EPHA6: variants seen among roughly 807,000 people sequenced by gnomAD.
EPHA6 encodes ephrin type-A receptor 6.
A neutral mutation model predicts 112.0 loss-of-function variants in EPHA6; 50 were observed. The ratio of observed to expected loss-of-function variants is 0.45; its 90% CI spans 0.36 to 0.56. The LOEUF is 0.56. Among genes scored for constraint, EPHA6 ranks in the 20% least tolerant of loss-of-function variants. EPHA6 has a pLI of 0.00. For synonymous variants in EPHA6, 529 were observed against 490.7 expected, an observed-to-expected ratio of 1.08 and a Z score of -1.03; for missense variants, 1,280 against 1,417.4, an observed-to-expected ratio of 0.90 and a Z score of 1.56.
At chr3:97,475,546 A>G in intron 8 of EPHA6, 86 bp downstream of exon 8, 1 of 924,830 alleles carries the variant, frequency 1.1e-6, no homozygotes, top group South Asian at 1.6e-5. Context: ...TTTAGATATA[A>G]CAAAGCACAC....
chr3:96,930,993 A>AC (rs2040288875), intron 2 of EPHA6, among the ~76,000 whole-genome samples: 1 of 77,086 alleles, frequency 1.3e-5, no homozygotes, highest in South Asian at 4.8e-4. Context: ...CTCTGTCTCC[A>AC]AAAAAAAAAA....
At position 96,953,332 on chromosome 3, in the gene EPHA6, A is replaced by G. The variant is rs1298742134; in HGVS notation, c.451-33998A>G. Among the ~76,000 whole-genome samples the G allele has an allele frequency of 5.3e-5, 8 of 152,206 alleles. No homozygotes were observed. The East Asian group carries it at 1.5e-3, about 29-fold the overall frequency. The stretch of plus-strand genomic sequence containing the variant: ...AGTGTTTGTATTATTGAAAGTGGCA[A>G]GTCAATTGCCAGAATTGTATTTGTT... On this transcript the variant is annotated intron_variant, in intron 2 of 17. Coordinates refer to ENST00000389672, the MANE Select transcript of EPHA6 (RefSeq NM_001080448.3).
intron 7 of EPHA6, among the ~76,000 whole-genome samples, chr3:97,471,585 A>G (rs781778882): frequency 1.3e-4 from 20 of 151,724 alleles, no homozygotes; most frequent in Non-Finnish European, 2.5e-4. Context: ...TCTACCTCCC[A>G]GAAAGCATTG....
chr3:96,910,302 C>T (rs191422088), intron 2 of EPHA6, among the ~76,000 whole-genome samples: 1 of 152,114 alleles, frequency 6.6e-6, no homozygotes, highest in Admixed American at 6.6e-5. Flanking sequence ...TTCAATTTGA[C>T]CACTTCCTAA....
intron 7 of EPHA6, among the ~76,000 whole-genome samples, chr3:97,471,510 T>C (rs1577502397): frequency 6.6e-6 from 1 of 151,676 alleles, no homozygotes; most frequent in African/African-American, 2.4e-5. Context: ...AACCTTAGAC[T>C]CATATTTCTG....
At chr3:97,220,004 A>C (rs1428702454) in intron 3 of EPHA6, among the ~76,000 whole-genome samples, 2 of 152,174 alleles carry the variant, frequency 1.3e-5, no homozygotes, top group Non-Finnish European at 2.9e-5. Flanking sequence ...ATCATCTCTC[A>C]TGAGTTCAAG....
At chr3:96,835,738 C>G (rs1159306629) in intron 1 of EPHA6, among the ~76,000 whole-genome samples, 1 of 152,038 alleles carries the variant, frequency 6.6e-6, no homozygotes, top group Non-Finnish European at 1.5e-5. Flanking sequence ...CCAGATTTAT[C>G]TCTGTAAACA....
chr3:96,945,028 A>T (rs547235729), intron 2 of EPHA6, among the ~76,000 whole-genome samples: 1 of 152,194 alleles, frequency 6.6e-6, no homozygotes, highest in South Asian at 2.1e-4. Context: ...TTGTTTTATA[A>T]TTTCAGCATT....
chr3:97,485,176 T>C (rs1347805077), intron 10 of EPHA6, among the ~76,000 whole-genome samples: 1 of 152,226 alleles, frequency 6.6e-6, no homozygotes, highest in East Asian at 1.9e-4. Context: ...CCAGGTGTCA[T>C]GTCTTTACAA....
At chr3:97,450,576 A>T (rs1325718749) in intron 7 of EPHA6, among the ~76,000 whole-genome samples, 1 of 152,050 alleles carries the variant, frequency 6.6e-6, no homozygotes, top group Admixed American at 6.6e-5. Flanking sequence ...TCTGATTTAA[A>T]TATTAACAGT....
chr3:97,013,925 A>G (rs996441863), intron 3 of EPHA6, among the ~76,000 whole-genome samples: 2 of 152,004 alleles, frequency 1.3e-5, no homozygotes, highest in African/African-American at 4.8e-5. Context: ...TCATTATTGT[A>G]TATTGTCATT....
At chr3:97,722,467 T>C (rs1381350399) in intron 15 of EPHA6, among the ~76,000 whole-genome samples, 1 of 152,138 alleles carries the variant, frequency 6.6e-6, no homozygotes, top group Non-Finnish European at 1.5e-5. Context: ...TTAATGCTCT[T>C]AGAAAATAAT....
chr3:96,877,430 T>C (rs2037032519), intron 2 of EPHA6, among the ~76,000 whole-genome samples: 1 of 152,082 alleles, frequency 6.6e-6, no homozygotes, highest in African/African-American at 2.4e-5. Context: ...CTTAATAATA[T>C]ACTTTCAAAG....
intron 11 of EPHA6, among the ~76,000 whole-genome samples, chr3:97,565,783 C>T (rs1232803955): frequency 2.6e-5 from 4 of 152,062 alleles, no homozygotes; most frequent in Non-Finnish European, 5.9e-5. Flanking sequence ...CTTTGGGAGG[C>T]TGAGGCAGGT....
At chr3:97,320,817 AAAAAATAAAAAAAAT>A (rs2082078670) in intron 5 of EPHA6, among the ~76,000 whole-genome samples, 1 of 110,532 alleles carries the variant, frequency 9.0e-6, no homozygotes, top group African/African-American at 6.5e-5. Flanking sequence ...CTCTGGGGGC[AAAAAATAAAAAAAAT>A]AAAAAAAAAG....
chr3:97,068,991 C>T (rs564800550), intron 3 of EPHA6, among the ~76,000 whole-genome samples: 4 of 152,228 alleles, frequency 2.6e-5, no homozygotes, highest in East Asian at 3.9e-4. Context: ...CTGAGTAAGG[C>T]GCACGTGCGT....
At chr3:97,100,190 TAAG>T (rs1250833243) in intron 3 of EPHA6, among the ~76,000 whole-genome samples, 1 of 151,076 alleles carries the variant, frequency 6.6e-6, no homozygotes, top group Admixed American at 6.6e-5. Context: ...CATAATAGAA[TAAG>T]AAATGCAGTC....
At chr3:97,391,977 A>T (rs1407324444) in intron 5 of EPHA6, among the ~76,000 whole-genome samples, 1 of 151,794 alleles carries the variant, frequency 6.6e-6, no homozygotes, top group Non-Finnish European at 1.5e-5. Context: ...CAAATTTATA[A>T]AATTTATAAG....
intron 3 of EPHA6, among the ~76,000 whole-genome samples, chr3:97,194,996 T>A (rs1382138397): frequency 6.6e-6 from 1 of 151,790 alleles, no homozygotes; most frequent in African/African-American, 2.4e-5. Flanking sequence ...TTGGGTCTCA[T>A]TTTTTTTGTT....
Sources: allele counts gnomAD v4.1 joint callset (sites outside exome capture counted in the v4.1 genomes callset), GRCh38; gene constraint gnomAD v4.1.1; transcripts MANE v1.5; gene names NCBI Gene and HGNC (gene_info 2026-07-23, HGNC 2026-07-21).